Variants in DDX25 observed in about 807,000 individuals in gnomAD.
DDX25 encodes the protein DEAD-box helicase 25.
In DDX25, 70 loss-of-function variants were observed where a neutral mutation model predicts 64.6. The observed-to-expected ratio is 1.08, with a 90% CI of 0.89 to 1.32. The LOEUF is 1.32. DDX25 is among the 40% of genes most tolerant of loss of function. The pLI is 0.00. For synonymous variants in DDX25, 211 were observed against 213.3 expected (o/e 0.99, Z 0.09); for missense variants, 587 against 604.4 (o/e 0.97, Z 0.30).
rs1472009018 is a variant in DDX25, at chr11:125,927,801, A to G, written c.*4920A>G. Reference sequence around the variant, plus strand: ...CATTCATGAGAGCATTCAATCAATCAGAAGATGAATAGTTAATCAGATGCT... The same window carrying G: ...CATTCATGAGAGCATTCAATCAATCGGAAGATGAATAGTTAATCAGATGCT... On this transcript the variant is annotated 3_prime_UTR_variant, in exon 12 of 12. Coordinates refer to ENST00000263576, the MANE Select transcript of DDX25 (RefSeq NM_013264.5). 6.6e-6 allele frequency: 1 copy of G among 152,164 alleles called. No individual in the cohort carries two copies. The highest frequency in any genetic ancestry group is 6.5e-5 in the Admixed American group (1 of 15,274). 9.4% of individuals were successfully genotyped at this position (152,164 alleles called of 1,614,324 possible). A position where few individuals can be genotyped will look rare whatever the true frequency, so the allele number is the denominator to read the frequency against.
intron 10 of DDX25, among the ~76,000 whole-genome samples, chr11:125,919,826 A>C (rs1423454388): frequency 6.6e-6 from 1 of 152,200 alleles, no homozygotes; most frequent in East Asian, 1.9e-4. Context: ...GCAGTGATGG[A>C]AATGTTCTAT....
At chr11:125,905,306 G>C in intron 2 of DDX25, 28 bp downstream of exon 2, 1 of 1,549,448 alleles carries the variant, frequency 6.5e-7, no homozygotes, top group Non-Finnish European at 8.7e-7. Flanking sequence ...AAAGCAGAGC[G>C]ACCTCAATGA....
In DDX25 at chr11:125,923,880, G is replaced by T. The variant is rs1945143592; in HGVS notation, c.*999G>T. 1 of 152,154 alleles carries T rather than the reference G, an allele frequency of 6.6e-6. No individual in the cohort carries two copies. Among genetic ancestry groups the T allele is most frequent in the Non-Finnish European group, 1.5e-5 (1 of 68,026 alleles). 9.4% of individuals were successfully genotyped at this position (152,154 alleles called of 1,614,324 possible). ...GCAGTGAGTGGCCCTGTCATCGGTG[G>T]CATGGTGGTTCCTGGCATATCTATT... On this transcript the variant is annotated 3_prime_UTR_variant, in exon 12 of 12. Coordinates refer to ENST00000263576, the MANE Select transcript of DDX25 (RefSeq NM_013264.5).
chr11:125,918,678 C>T lies in DDX25; in HGVS notation c.1089C>T (p.His363=). Residue 363 remains histidine (H), a synonymous_variant, in exon 10 of 12, where the codon CAC becomes CAT. Coordinates refer to ENST00000263576, the MANE Select transcript of DDX25 (RefSeq NM_013264.5). The stretch of plus-strand genomic sequence containing the variant: ...CCGTGGAGATGATACAGGATGGCCA[C>T]CAGGTGTCTTTGTTAAGCGGGGAGC... ...WLTVEMIQDG[H]QVSLLSGELT... The T allele has an allele frequency of 6.2e-7, 1 of 1,613,920 alleles. No individual in the cohort carries two copies. Among genetic ancestry groups the T allele is most frequent in the Non-Finnish European group, 8.5e-7 (1 of 1,179,884 alleles).
Position 125,917,214 on chromosome 11 carries a change from G to T in DDX25, c.1001G>T (p.Gly334Val). ...DKYQALCNIY[G>V]SITIGQAIIF... ...TACCAAGCTCTGTGCAACATTTATGGCAGCATCACCATTGGTCAGGCCATC... is the reference window on the plus strand; with the variant it reads ...TACCAAGCTCTGTGCAACATTTATGTCAGCATCACCATTGGTCAGGCCATC... The change falls in exon 9 of 12, where the codon GGC becomes GTC. Residue 334 changes from glycine (G) to valine (V), a missense_variant. By Grantham distance (109) the Gly-to-Val change is moderately radical. Transcript: ENST00000263576. 6.2e-7 allele frequency: 1 copy of T among 1,609,644 alleles called. No homozygotes were observed. The highest frequency in any genetic ancestry group is 8.5e-7 in the Non-Finnish European group (1 of 1,178,202).
At chr11:125,908,550 C>T in intron 6 of DDX25, 47 bp downstream of exon 6, 1 of 1,525,552 alleles carries the variant, frequency 6.6e-7, no homozygotes, top group Non-Finnish European at 9.1e-7. Context: ...ACTACCAGTG[C>T]TAATTTAGTA....
intron 10 of DDX25, among the ~76,000 whole-genome samples, chr11:125,920,404 T>C (rs1207237156): frequency 6.6e-6 from 1 of 151,140 alleles, no homozygotes; most frequent in Non-Finnish European, 1.5e-5. Flanking sequence ...GCCACTGCAC[T>C]CCAACCTGGG....
At chr11:125,904,241 C>A, upstream of DDX25, 1 of 329,110 alleles carries the variant, frequency 3.0e-6, no homozygotes, top group East Asian at 4.7e-5. Context: ...AAGCTGCCCC[C>A]TCTGCCCTCC....
At position 125,922,997 on chromosome 11, in the gene DDX25, A is replaced by G; in HGVS notation, c.*116A>G. 4.6e-6 allele frequency: 4 copies of G among 865,494 alleles called. No individual in the cohort carries two copies. 53.6% of individuals were successfully genotyped at this position (865,494 alleles called of 1,614,324 possible). A position where few individuals can be genotyped will look rare whatever the true frequency, so the allele number is the denominator to read the frequency against. ...TCGACGTGAAACTGTCACAGATGGC[A>G]AAATAAATGTCACGGTACTTAGTTT... On this transcript the variant is annotated 3_prime_UTR_variant, in exon 12 of 12. Transcript: ENST00000263576.
Position 125,921,067 on chromosome 11 carries a change from TA to T in DDX25, c.1202-122del, listed in dbSNP as rs1945107555. On this transcript the variant is annotated intron_variant, in intron 10 of 11. Coordinates refer to ENST00000263576, the MANE Select transcript of DDX25 (RefSeq NM_013264.5). This position sits in a 1 kb window ranked among gnomAD's most constrained non-coding sequence, Gnocchi z 4.1. ...AACCAAAGTACCTGTCTCAATTACA[TA>T]AGCCCTGGTTGGATTTCTAAATTTT... 1 of 986,376 alleles carries T rather than the reference TA, an allele frequency of 1.0e-6. No individual in the cohort carries two copies. The highest frequency in any genetic ancestry group is 1.4e-6 in the Non-Finnish European group (1 of 690,252). 61.1% of individuals were successfully genotyped at this position (986,376 alleles called of 1,614,324 possible).
chr11:125,925,888 G>A lies in DDX25; in HGVS notation c.*3007G>A, dbSNP rs1432773540. On this transcript the variant is annotated 3_prime_UTR_variant, in exon 12 of 12. Coordinates refer to ENST00000263576, the MANE Select transcript of DDX25 (RefSeq NM_013264.5). ...TTATTGCTTTTGGTCATGAGAAAGTGTTGATCCTCCTCAGCAAAGCTCGGT... is the reference window on the plus strand; with the variant it reads ...TTATTGCTTTTGGTCATGAGAAAGTATTGATCCTCCTCAGCAAAGCTCGGT... The A allele has an allele frequency of 6.0e-6, 1 of 165,802 alleles. No homozygotes were observed. The highest frequency in any genetic ancestry group is 2.4e-5 in the African/African-American group (1 of 41,970). The allele number at this position is 165,802 out of a possible 1,614,324, so 10.3% of individuals were successfully genotyped here.
chr11:125,906,354 C>T (rs1322924060), intron 4 of DDX25, 145 bp downstream of exon 4: 38 of 1,096,394 alleles, frequency 3.5e-5, no homozygotes, highest in Non-Finnish European at 4.9e-6. Context: ...GAGTCTCACT[C>T]TGTCCCCCAG....
chr11:125,919,386 C>T (rs1161061401), intron 10 of DDX25, among the ~76,000 whole-genome samples: 1 of 152,150 alleles, frequency 6.6e-6, no homozygotes, highest in Non-Finnish European at 1.5e-5. Flanking sequence ...AGTTGCTCTG[C>T]ATTCTTGCCA....
intron 8 of DDX25, among the ~76,000 whole-genome samples, chr11:125,911,841 A>G (rs1944972903): frequency 6.6e-6 from 1 of 152,228 alleles, no homozygotes; most frequent in African/African-American, 2.4e-5. Flanking sequence ...GATAATTGAG[A>G]TAGAGTAGAG....
upstream of DDX25, chr11:125,904,425 C>A (rs1245767328): frequency 3.2e-6 from 4 of 1,239,602 alleles, no homozygotes; most frequent in Non-Finnish European, 4.1e-6. Context: ...ACGCCTGCCC[C>A]CTAAGGAAGC....
Position 125,918,646 on chromosome 11 carries a change from T to C in DDX25, c.1057T>C (p.Trp353Arg), listed in dbSNP as rs1228781365. The C allele has an allele frequency of 6.2e-7, 1 of 1,613,568 alleles. No individual in the cohort carries two copies. The highest frequency in any genetic ancestry group is 8.5e-7 in the Non-Finnish European group (1 of 1,179,796). The part of the protein sequence containing the change: ...IFCQTRRNAK[W>R]LTVEMIQDGH... ...TACATAGACTCGTCGAAACGCTAAG[T>C]GGTTGACCGTGGAGATGATACAGGA... The change falls in exon 10 of 12, where the codon TGG becomes CGG. Residue 353 changes from tryptophan to arginine, a missense_variant. Transcript: ENST00000263576.
intron 1 of DDX25, 163 bp downstream of exon 1, chr11:125,904,743 G>C: frequency 2.3e-6 from 2 of 865,286 alleles, no homozygotes; most frequent in South Asian, 1.5e-5. Flanking sequence ...CACAGAGGGA[G>C]ACCCCGTCCC....
Position 125,921,602 on chromosome 11 carries a change from G to A in DDX25, c.1390+223G>A. On this transcript the variant is annotated intron_variant, in intron 11 of 11. Transcript: ENST00000263576. This position sits in a 1 kb window ranked among gnomAD's most constrained non-coding sequence, Gnocchi z 4.1. ...TATTTTGATCAAGCAGAATTAATATGAGCTCAGGCCGGGTGTGGCAGCTCA... is the reference window on the plus strand; with the variant it reads ...TATTTTGATCAAGCAGAATTAATATAAGCTCAGGCCGGGTGTGGCAGCTCA... 1 of 530,456 alleles carries A rather than the reference G, an allele frequency of 1.9e-6. No homozygotes were observed. Among genetic ancestry groups the A allele is most frequent in the South Asian group, 3.1e-5 (1 of 32,532 alleles). The allele number at this position is 530,456 out of a possible 1,614,324, so 32.9% of individuals were successfully genotyped here.
At chr11:125,905,925 T>C in intron 3 of DDX25, 149 bp from the exon 4 acceptor site, 1 of 1,003,478 alleles carries the variant, frequency 1.0e-6, no homozygotes, top group Non-Finnish European at 1.4e-6. Context: ...GAATCCTCAG[T>C]GCTATATCAT....
Sources: allele counts gnomAD v4.1 joint callset (sites outside exome capture counted in the v4.1 genomes callset), GRCh38; gene constraint gnomAD v4.1.1; non-coding constraint Gnocchi (gnomAD v3.1); transcripts MANE v1.5; gene names NCBI Gene and HGNC (gene_info 2026-07-23, HGNC 2026-07-21).